Variants in PIKFYVE observed in about 807,000 individuals in gnomAD.
PIKFYVE encodes the protein 1-phosphatidylinositol 3-phosphate 5-kinase.
PIKFYVE carries 122 observed loss-of-function variants against 257.9 expected under a neutral mutation model. The ratio of observed to expected loss-of-function variants is 0.47; its 90% CI spans 0.41 to 0.55. The LOEUF (loss-of-function observed/expected upper bound fraction) is 0.55, where lower values mean the gene tolerates loss of function less well. Among genes scored for constraint, PIKFYVE ranks in the 20% least tolerant of loss-of-function variants. The probability of loss-of-function intolerance (pLI) is 0.00; values close to 1 mark genes in which losing one functional copy is unlikely to be tolerated. For synonymous variants in PIKFYVE, 892 were observed against 868.9 expected, an observed-to-expected ratio of 1.03 and a Z score of -0.47; for missense variants, 2,160 against 2,536.6, an observed-to-expected ratio of 0.85 and a Z score of 3.19.
At chr2:208,315,460 G>C in intron 15 of PIKFYVE, 87 bp downstream of exon 15, 1 of 1,491,404 alleles carries the variant, frequency 6.7e-7, no homozygotes, top group Non-Finnish European at 9.3e-7. Context: ...TCTGAAAAGA[G>C]TCATTACCCT....
At chr2:208,286,838 T>G (rs550047660) in intron 6 of PIKFYVE, among the ~76,000 whole-genome samples, 89 of 152,222 alleles carry the variant, frequency 5.8e-4, no homozygotes, top group Non-Finnish European at 1.1e-3. Context: ...ATTATTTTCT[T>G]TAGCTGAATT....
At position 208,347,945 on chromosome 2, in the gene PIKFYVE, C is replaced by T. The variant is rs776997681; in HGVS notation, c.5296C>T (p.Arg1766Cys). 1.9e-5 allele frequency: 30 copies of T among 1,613,818 alleles called. No homozygotes were observed. The highest frequency in any genetic ancestry group is 8.8e-5 in the South Asian group (8 of 91,076). The change falls in exon 35 of 42, where the codon CGT (arginine) becomes TGT (cysteine). Residue 1766 changes from arginine to cysteine, a missense_variant. Coordinates refer to ENST00000264380, the MANE Select transcript of PIKFYVE (RefSeq NM_015040.4). ...DLSSQKRETL[R>C]GADSAYYQVG... ...CTCTTCCCAGAAGAGAGAGACCTTA[C>T]GTGGAGCAGATAGTGCTTACTACCA...
chr2:208,295,772 G>A (rs1464017766), intron 7 of PIKFYVE, among the ~76,000 whole-genome samples: 1 of 152,086 alleles, frequency 6.6e-6, no homozygotes, highest in Admixed American at 6.5e-5. Context: ...CTTTGTAATT[G>A]GTAAGTAATA....
chr2:208,288,825 T>G lies in PIKFYVE; in HGVS notation c.911+7T>G. On this transcript the variant is annotated splice_region_variant and intron_variant, in intron 7 of 41. Coordinates refer to ENST00000264380, the MANE Select transcript of PIKFYVE (RefSeq NM_015040.4). Reference sequence around the variant, plus strand: ...AATCTCCTGCTCGAAATAGGTAAACTGACAAATGAAAACACTGTGCTCTCT... The same window carrying G: ...AATCTCCTGCTCGAAATAGGTAAACGGACAAATGAAAACACTGTGCTCTCT... 1.2e-6 allele frequency: 2 copies of G among 1,613,806 alleles called. No individual in the cohort carries two copies. Among genetic ancestry groups the G allele is most frequent in the Non-Finnish European group, 1.7e-6 (2 of 1,179,718 alleles).
At position 208,295,051 on chromosome 2, in the gene PIKFYVE, G is replaced by A. The variant is rs1027591185; in HGVS notation, c.912-3590G>A. The stretch of plus-strand genomic sequence containing the variant: ...AAGGAATTTGTCAATTTGATTTTAG[G>A]TTTTCCTACCCTATTACTGGTTCCC... On this transcript the variant is annotated intron_variant, in intron 7 of 41. Transcript: ENST00000264380. Among the ~76,000 whole-genome samples the A allele has an allele frequency of 1.3e-5, 2 of 149,442 alleles. 1 individual carries two copies. Among genetic ancestry groups the A allele is most frequent in the Non-Finnish European group, 3.0e-5 (2 of 66,194 alleles).
intron 28 of PIKFYVE, among the ~76,000 whole-genome samples, chr2:208,337,721 C>CA (rs1477306629): frequency 6.6e-6 from 1 of 151,888 alleles, no homozygotes. Context: ...AGGGACTCTG[C>CA]AAAAATTTTT....
chr2:208,302,613 T>C (rs1693833621), intron 10 of PIKFYVE: 1 of 432,324 alleles, frequency 2.3e-6, no homozygotes, highest in Admixed American at 3.5e-5. Flanking sequence ...CTTTTTTCAG[T>C]TGGTGTGGTA....
Position 208,357,561 on chromosome 2 carries a change from A to G in PIKFYVE, c.*2256A>G, listed in dbSNP as rs1000369588. On this transcript the variant is annotated 3_prime_UTR_variant, in exon 42 of 42. Transcript: ENST00000264380. ...GTGGCAAAAATTTTCAATATAATACATTCTGAAACAATAGTTGCTGCCTTG... is the reference window on the plus strand; with the variant it reads ...GTGGCAAAAATTTTCAATATAATACGTTCTGAAACAATAGTTGCTGCCTTG... 1.3e-5 allele frequency: 2 copies of G among 152,044 alleles called. No homozygotes were observed. The highest frequency in any genetic ancestry group is 6.5e-5 in the Admixed American group (1 of 15,282). The allele number at this position is 152,044 out of a possible 1,614,324, so 9.4% of individuals were successfully genotyped here.
At chr2:208,302,502 TGGTA>T (rs2125334504) in intron 10 of PIKFYVE, 149 bp downstream of exon 10, 1 of 732,852 alleles carries the variant, frequency 1.4e-6, no homozygotes, top group African/African-American at 1.7e-5. Flanking sequence ...TTTTTTTACT[TGGTA>T]GGCAGCAGTG....
intron 13 of PIKFYVE, 44 bp downstream of exon 13, chr2:208,312,339 T>C: frequency 1.4e-6 from 2 of 1,463,010 alleles, no homozygotes; most frequent in South Asian, 2.4e-5. Context: ...TCTCTTTTTT[T>C]CATGAGGATA....
intron 30 of PIKFYVE, 122 bp downstream of exon 30, chr2:208,339,677 A>C: frequency 7.6e-7 from 1 of 1,309,934 alleles, no homozygotes; most frequent in Middle Eastern, 2.2e-4. Flanking sequence ...TAACAGATTC[A>C]TGCCTTGCTT....
Position 208,304,970 on chromosome 2 carries a change from C to T in PIKFYVE, c.1593C>T (p.Pro531=). ...ACGTGAACTTCCATATCAAGAAGCCCTCCAAGTACCCACATGTGCCCCCTC... is the reference window on the plus strand; with the variant it reads ...ACGTGAACTTCCATATCAAGAAGCCTTCCAAGTACCCACATGTGCCCCCTC... ...LDNVNFHIKK[P]SKYPHVPPHP... Residue 531 remains proline, a synonymous_variant, in exon 12 of 42, where the codon CCC becomes CCT. Coordinates refer to ENST00000264380, the MANE Select transcript of PIKFYVE (RefSeq NM_015040.4). 6 of 1,614,118 alleles carry T rather than the reference C, an allele frequency of 3.7e-6. No individual in the cohort carries two copies. Among genetic ancestry groups the T allele is most frequent in the Non-Finnish European group, 5.1e-6 (6 of 1,180,022 alleles).
chr2:208,325,529 C>A lies in PIKFYVE; in HGVS notation c.2718C>A (p.Tyr906Ter). The change falls in exon 20 of 42, where the codon TAC (tyrosine) becomes TAA (stop). Residue 906 changes from tyrosine to a stop codon, truncating the protein, a stop_gained. Transcript: ENST00000264380. LOFTEE classifies it high-confidence loss of function. ...RGHEGAVQEQ[Y>*]GGGSIPWDPD... is the part of the protein sequence containing the mutation. ...ATGAGGGGGCTGTCCAAGAGCAGTA[C>A]GGTGGAGGTTCCATCCCCTGGGATC... The A allele has an allele frequency of 6.2e-7, 1 of 1,614,126 alleles. No homozygotes were observed. Among genetic ancestry groups the A allele is most frequent in the Non-Finnish European group, 8.5e-7 (1 of 1,179,988 alleles).
intron 1 of PIKFYVE, among the ~76,000 whole-genome samples, chr2:208,268,876 G>A (rs920758516): frequency 6.6e-6 from 1 of 151,168 alleles, no homozygotes; most frequent in Non-Finnish European, 1.5e-5. Flanking sequence ...TTAAATTATT[G>A]ATCAGACAAA....
intron 8 of PIKFYVE, among the ~76,000 whole-genome samples, chr2:208,299,117 G>A (rs552787338): frequency 6.6e-6 from 1 of 152,064 alleles, no homozygotes; most frequent in East Asian, 1.9e-4. Context: ...GGGATTACAG[G>A]TGTGAGCCAC....
intron 4 of PIKFYVE, among the ~76,000 whole-genome samples, chr2:208,277,235 A>G (rs1156675737): frequency 6.6e-6 from 1 of 152,124 alleles, no homozygotes; most frequent in African/African-American, 2.4e-5. Context: ...AAGTCCATAT[A>G]TGTGTGAGGG....
At chr2:208,353,152 T>C (rs982484461) in intron 39 of PIKFYVE, among the ~76,000 whole-genome samples, 1 of 152,220 alleles carries the variant, frequency 6.6e-6, no homozygotes, top group Non-Finnish European at 1.5e-5. Context: ...AAAACAGTAC[T>C]GTTCAAAGAG....
At chr2:208,302,100 C>T (rs1298558311) in intron 9 of PIKFYVE, 142 bp from the exon 10 acceptor site, 10 of 707,106 alleles carry the variant, frequency 1.4e-5, no homozygotes, top group African/African-American at 5.3e-5. Context: ...TCTCTCGTTT[C>T]GTCCTTTACT....
At chr2:208,283,368 A>G (rs978492829) in intron 5 of PIKFYVE, among the ~76,000 whole-genome samples, 6 of 152,136 alleles carry the variant, frequency 3.9e-5, no homozygotes, top group African/African-American at 2.4e-5. Flanking sequence ...CCATCACACC[A>G]TATAGGCATG....
Sources: gnomAD v4.1 joint callset for allele counts (sites outside exome capture counted in the v4.1 genomes callset) on GRCh38, gnomAD v4.1.1 for gene constraint, MANE v1.5 for transcripts, NCBI Gene and HGNC (gene_info 2026-07-23, HGNC 2026-07-21) for gene names.